The following TMEM45A variants were observed in gnomAD, a reference collection of about 807,000 sequenced individuals.
The protein encoded by TMEM45A is DNA polymerase-transactivated protein 4.
In TMEM45A, 25 loss-of-function variants were observed where a neutral mutation model predicts 32.0. That is an observed-to-expected ratio of 0.78 (90% CI 0.57 to 1.09). TMEM45A has a LOEUF of 1.09. Among genes scored for constraint, TMEM45A ranks in the 50% least tolerant of loss-of-function variants. The probability of loss-of-function intolerance (pLI) is 0.00; values close to 1 mark genes in which losing one functional copy is unlikely to be tolerated. For synonymous variants in TMEM45A, 122 were observed against 114.8 expected (o/e 1.06, Z -0.40); for missense variants, 302 against 325.0 (o/e 0.93, Z 0.54).
At chr3:100,509,516 A>G in intron 1 of TMEM45A, among the ~76,000 whole-genome samples, 1 of 152,226 alleles carries the variant, frequency 6.6e-6, no homozygotes, top group East Asian at 1.9e-4. Context: ...CACAATAGCC[A>G]AGGTATGGAA....
At chr3:100,560,309 T>C (rs904356392) in intron 4 of TMEM45A, among the ~76,000 whole-genome samples, 9 of 152,002 alleles carry the variant, frequency 5.9e-5, no homozygotes, top group African/African-American at 2.2e-4. Context: ...TTTCAGTCTT[T>C]CTTGTTTTAA....
At chr3:100,558,804 A>C (rs1706273966) in intron 4 of TMEM45A, among the ~76,000 whole-genome samples, 1 of 152,182 alleles carries the variant, frequency 6.6e-6, no homozygotes, top group Admixed American at 6.5e-5. Flanking sequence ...CATCTTCATC[A>C]CACCTGGACA....
intron 1 of TMEM45A, among the ~76,000 whole-genome samples, chr3:100,507,692 G>A (rs1380608822): frequency 6.6e-6 from 1 of 152,110 alleles, no homozygotes; most frequent in Non-Finnish European, 1.5e-5. Flanking sequence ...CACCATGATG[G>A]TCTGGATGGC....
rs373001309 is a variant in TMEM45A, at chr3:100,547,988, G to A, written c.-3-7221G>A. On this transcript the variant is annotated intron_variant, in intron 1 of 5. Coordinates refer to ENST00000323523, the MANE Select transcript of TMEM45A (RefSeq NM_018004.3). Reference sequence around the variant, plus strand: ...GGGTTCTTGTCATTTTAGATGTTTGGTTAAGAATAGCTGATGTTCCGTGGA... The same window carrying A: ...GGGTTCTTGTCATTTTAGATGTTTGATTAAGAATAGCTGATGTTCCGTGGA... 3.9e-5 allele frequency among the ~76,000 whole-genome samples: 6 copies of A among 152,202 alleles called. No individual in the cohort carries two copies. The South Asian group carries it at 1.2e-3, about 32-fold the overall frequency.
intron 1 of TMEM45A, among the ~76,000 whole-genome samples, chr3:100,549,654 C>T (rs1706052829): frequency 6.6e-6 from 1 of 152,180 alleles, no homozygotes; most frequent in African/African-American, 2.4e-5. Flanking sequence ...TTGGTTTAAT[C>T]TCAAAGGAGG....
intron 1 of TMEM45A, among the ~76,000 whole-genome samples, chr3:100,513,155 T>A (rs754764765): frequency 3.5e-5 from 5 of 142,466 alleles, no homozygotes; most frequent in African/African-American, 1.4e-4. Context: ...TACCAAAGCC[T>A]GGCAGAGACA....
At chr3:100,545,996 T>G (rs1215937968) in intron 1 of TMEM45A, among the ~76,000 whole-genome samples, 1 of 152,180 alleles carries the variant, frequency 6.6e-6, no homozygotes, top group African/African-American at 2.4e-5. Context: ...ATCACATGAG[T>G]TCTCAAAATT....
At chr3:100,507,162 C>T (rs925453098) in intron 1 of TMEM45A, among the ~76,000 whole-genome samples, 3 of 152,134 alleles carry the variant, frequency 2.0e-5, no homozygotes, top group African/African-American at 7.2e-5. Context: ...GCCTATTTGT[C>T]CGATTCTCTC....
intron 1 of TMEM45A, among the ~76,000 whole-genome samples, chr3:100,522,642 A>G (rs1286992905): frequency 6.6e-6 from 1 of 152,182 alleles, no homozygotes; most frequent in Non-Finnish European, 1.5e-5. Context: ...CCTAGGCAGT[A>G]GGCCATCGGG....
intron 1 of TMEM45A, among the ~76,000 whole-genome samples, chr3:100,539,497 G>GTATACA (rs1397106041): frequency 4.2e-5 from 3 of 70,600 alleles, no homozygotes; most frequent in South Asian, 3.2e-4. Flanking sequence ...ATATGTATAC[G>GTATACA]TATACGTATA....
At chr3:100,496,317 C>G (rs1707926565) in intron 1 of TMEM45A, among the ~76,000 whole-genome samples, 1 of 152,168 alleles carries the variant, frequency 6.6e-6, no homozygotes, top group African/African-American at 2.4e-5. Context: ...TGATGATGGT[C>G]ATGTCCTCCT....
At chr3:100,519,136 A>G (rs1397693786) in intron 1 of TMEM45A, 1 of 172,926 alleles carries the variant, frequency 5.8e-6, no homozygotes, top group Non-Finnish European at 1.2e-5. Flanking sequence ...CAGTGAGTAC[A>G]ACGCCCAGGG....
chr3:100,538,659 A>G (rs1705789302), intron 1 of TMEM45A, among the ~76,000 whole-genome samples: 1 of 152,216 alleles, frequency 6.6e-6, no homozygotes, highest in Admixed American at 6.5e-5. Flanking sequence ...CATGTAGAAA[A>G]TCCCAAACAA....
chr3:100,500,844 G>A (rs900231492), intron 1 of TMEM45A, among the ~76,000 whole-genome samples: 1 of 152,224 alleles, frequency 6.6e-6, no homozygotes, highest in Non-Finnish European at 1.5e-5. Flanking sequence ...AAGGAAGTGG[G>A]TGGTATGCCT....
chr3:100,506,762 G>A (rs1165172450), intron 1 of TMEM45A, among the ~76,000 whole-genome samples: 1 of 152,206 alleles, frequency 6.6e-6, no homozygotes. Context: ...GTAGGTAATG[G>A]TGATGGTTGG....
rs146255562 is a variant in TMEM45A at position 100,556,350 on chromosome 3, A to G, written c.191-410A>G. Among the ~76,000 whole-genome samples, 25 of 152,350 alleles carry G rather than the reference A, an allele frequency of 1.6e-4. 1 individual carries two copies. The East Asian group carries it at 3.9e-3, about 23-fold the overall frequency. Reference sequence around the variant, plus strand: ...TCTTTAGCATTTTTATCTGGTACCAAGCACAATCCCCTATTTTATGGCAGC... The same window carrying G: ...TCTTTAGCATTTTTATCTGGTACCAGGCACAATCCCCTATTTTATGGCAGC... On this transcript the variant is annotated intron_variant, in intron 2 of 5. Transcript: ENST00000323523.
At chr3:100,529,615 A>C (rs962262915) in intron 1 of TMEM45A, among the ~76,000 whole-genome samples, 4 of 151,976 alleles carry the variant, frequency 2.6e-5, no homozygotes, top group Non-Finnish European at 5.9e-5. Context: ...TTCTCAGGCC[A>C]GCCTTTATTT....
Position 100,556,852 on chromosome 3 carries a change from C to A in TMEM45A, c.283C>A (p.His95Asn). 1 of 1,614,160 alleles carries A rather than the reference C, an allele frequency of 6.2e-7. No individual in the cohort carries two copies. Among genetic ancestry groups the A allele is most frequent in the Non-Finnish European group, 8.5e-7 (1 of 1,180,004 alleles). The change falls in exon 3 of 6, where the codon CAT (histidine) becomes AAT (asparagine). Residue 95 changes from histidine to asparagine, a missense_variant. By Grantham distance (68) the His-to-Asn change is moderately conservative. Transcript: ENST00000323523. ...CTGGAATCAACTCCTGGGCTGGCAT[C>A]ATTTCACCATGTATTTCTTCTTTGG... is the stretch of plus-strand genomic sequence containing the variant. ...GHWNQLLGWH[H>N]FTMYFFFGLL...
chr3:100,542,905 A>G (rs1705914386), intron 1 of TMEM45A, among the ~76,000 whole-genome samples: 1 of 152,068 alleles, frequency 6.6e-6, no homozygotes, highest in Non-Finnish European at 1.5e-5. Flanking sequence ...GAGGGAGGGG[A>G]CAAGAGTTGA....
Sources: gnomAD v4.1 joint callset for allele counts (sites outside exome capture counted in the v4.1 genomes callset) on GRCh38, gnomAD v4.1.1 for gene constraint, MANE v1.5 for transcripts, NCBI Gene and HGNC (gene_info 2026-07-23, HGNC 2026-07-21) for gene names.